MINDY4: variants seen among roughly 807,000 people sequenced by gnomAD.
The protein encoded by MINDY4 is MINDY lysine 48 deubiquitinase 4, also known as probable ubiquitin carboxyl-terminal hydrolase MINDY-4.
Under a neutral mutation model 87.0 loss-of-function variants are expected in MINDY4, and 68 were observed. The observed-to-expected ratio is 0.78, with a 90% CI of 0.64 to 0.96. MINDY4 has a LOEUF of 0.96. MINDY4 is among the 40% of genes least tolerant of loss of function. MINDY4 has a pLI of 0.00. For synonymous variants in MINDY4, 379 were observed against 363.2 expected (o/e 1.04, Z -0.50); for missense variants, 919 against 928.2 (o/e 0.99, Z 0.13).
chr7:30,830,498 C>G (rs1265208890), intron 6 of MINDY4, among the ~76,000 whole-genome samples: 1 of 152,142 alleles, frequency 6.6e-6, no homozygotes, highest in African/African-American at 2.4e-5. Context: ...AGGAAACTTA[C>G]AATCGTGGCA....
intron 8 of MINDY4, 131 bp downstream of exon 8, chr7:30,839,447 G>T: frequency 1.8e-6 from 1 of 567,148 alleles, no homozygotes; most frequent in Non-Finnish European, 3.2e-6. Flanking sequence ...CCCCACATGT[G>T]CTGAGTTGTC....
chr7:30,856,890 T>G (rs755589582), intron 12 of MINDY4, among the ~76,000 whole-genome samples: 6 of 152,104 alleles, frequency 3.9e-5, no homozygotes, highest in Non-Finnish European at 1.5e-5. Context: ...CATTACTCTT[T>G]GCCATTGTCA....
chr7:30,797,835 G>T (rs1477350134), intron 5 of MINDY4, among the ~76,000 whole-genome samples: 2 of 152,180 alleles, frequency 1.3e-5, no homozygotes, highest in Admixed American at 6.5e-5. Context: ...AAGAGAGCTG[G>T]TGGTGGCTTG....
At chr7:30,802,599 G>C (rs1562535742) in intron 5 of MINDY4, among the ~76,000 whole-genome samples, 1 of 152,170 alleles carries the variant, frequency 6.6e-6, no homozygotes, top group Non-Finnish European at 1.5e-5. Flanking sequence ...TTAGCAAGGA[G>C]AATGGAAGGG....
intron 7 of MINDY4, among the ~76,000 whole-genome samples, chr7:30,838,459 G>C (rs1033340310): frequency 6.6e-6 from 1 of 152,152 alleles, no homozygotes; most frequent in Non-Finnish European, 1.5e-5. Context: ...GAGTTGGCAG[G>C]TGTTTTCTGT....
At chr7:30,836,961 C>T (rs1367311020) in intron 7 of MINDY4, among the ~76,000 whole-genome samples, 197 bp downstream of exon 7, 2 of 152,126 alleles carry the variant, frequency 1.3e-5, no homozygotes, top group African/African-American at 4.8e-5. Context: ...AGCTCTCGTT[C>T]CCTCTCCAAG....
intron 14 of MINDY4, among the ~76,000 whole-genome samples, chr7:30,872,816 C>T (rs1250280484): frequency 6.6e-6 from 1 of 152,236 alleles, no homozygotes; most frequent in African/African-American, 2.4e-5. Flanking sequence ...TCAGTCCTCT[C>T]AGTCACCCAG....
chr7:30,858,992 G>A (rs889752543), intron 12 of MINDY4: 12 of 691,786 alleles, frequency 1.7e-5, no homozygotes, highest in African/African-American at 1.6e-4. Context: ...TTGCTGTCTT[G>A]TGAGTTTTGA....
chr7:30,818,932 T>A (rs190391463), intron 5 of MINDY4, among the ~76,000 whole-genome samples: 82 of 152,344 alleles, frequency 5.4e-4, no homozygotes, highest in Non-Finnish European at 7.6e-4. Flanking sequence ...TCCTTCCTTT[T>A]CACTCTTAGT....
At position 30,892,184 on chromosome 7, in the gene MINDY4, G is replaced by A; in HGVS notation, c.*179G>A. On this transcript the variant is annotated 3_prime_UTR_variant, in exon 18 of 18. Transcript: ENST00000265299. ...AAGGGCCCACCCAAGACTGTGCTGGGGACCCAGTGTGTTGCTGGGTCCCCT... is the reference window on the plus strand; with the variant it reads ...AAGGGCCCACCCAAGACTGTGCTGGAGACCCAGTGTGTTGCTGGGTCCCCT... 1 of 628,630 alleles carries A rather than the reference G, an allele frequency of 1.6e-6. No homozygotes were observed. The highest frequency in any genetic ancestry group is 2.8e-6 in the Non-Finnish European group (1 of 359,618). 38.9% of individuals were successfully genotyped at this position (628,630 alleles called of 1,614,324 possible).
intron 9 of MINDY4, among the ~76,000 whole-genome samples, chr7:30,847,387 C>T (rs978617422): frequency 2.6e-5 from 4 of 152,154 alleles, no homozygotes; most frequent in African/African-American, 9.7e-5. Flanking sequence ...ACAGGCCCTG[C>T]CCAAGAGCAA....
chr7:30,821,181 A>T (rs1049248457), intron 5 of MINDY4, among the ~76,000 whole-genome samples: 1 of 151,992 alleles, frequency 6.6e-6, no homozygotes, highest in African/African-American at 2.4e-5. Context: ...ACTACTCTTA[A>T]ATTAGTTGCT....
At chr7:30,839,376 G>A (rs1016228898) in intron 8 of MINDY4, 60 bp downstream of exon 8, 8 of 1,034,262 alleles carry the variant, frequency 7.7e-6, no homozygotes, top group Non-Finnish European at 8.6e-6. Context: ...ATAGGGGTGG[G>A]TGTACCTCCC....
chr7:30,771,801 C>A (rs1455230241), intron 1 of MINDY4, among the ~76,000 whole-genome samples: 1 of 152,228 alleles, frequency 6.6e-6, no homozygotes, highest in Middle Eastern at 3.2e-3. Flanking sequence ...CGCTGCCCTC[C>A]TGGGGCATCC....
chr7:30,801,027 G>A (rs533563298), intron 5 of MINDY4, among the ~76,000 whole-genome samples: 3 of 152,266 alleles, frequency 2.0e-5, no homozygotes, highest in South Asian at 2.1e-4. Context: ...AGAGACAAGT[G>A]CATCCCAAAC....
At chr7:30,816,422 G>A (rs892875266) in intron 5 of MINDY4, among the ~76,000 whole-genome samples, 3 of 152,278 alleles carry the variant, frequency 2.0e-5, no homozygotes, top group East Asian at 1.9e-4. Context: ...CATACTTCTT[G>A]TGAAGGACGT....
intron 1 of MINDY4, among the ~76,000 whole-genome samples, chr7:30,775,102 CTA>C (rs1786768813): frequency 6.6e-6 from 1 of 152,154 alleles, no homozygotes; most frequent in African/African-American, 2.4e-5. Flanking sequence ...TCCATACAAA[CTA>C]AATCTCCAAC....
intron 15 of MINDY4, among the ~76,000 whole-genome samples, chr7:30,876,888 A>C (rs1206360978): frequency 1.3e-5 from 2 of 151,898 alleles, no homozygotes; most frequent in Non-Finnish European, 2.9e-5. Flanking sequence ...TCCACCCTGG[A>C]TTTTCAGGGT....
chr7:30,837,310 G>T (rs1788886344), intron 7 of MINDY4, among the ~76,000 whole-genome samples: 1 of 152,118 alleles, frequency 6.6e-6, no homozygotes, highest in Non-Finnish European at 1.5e-5. Flanking sequence ...TACCAGGGTG[G>T]CCTCACCACT....
Sources: gnomAD v4.1 joint callset for allele counts (sites outside exome capture counted in the v4.1 genomes callset) on GRCh38, gnomAD v4.1.1 for gene constraint, MANE v1.5 for transcripts, NCBI Gene and HGNC (gene_info 2026-07-23, HGNC 2026-07-21) for gene names.